Variants in ITPR3 observed in about 807,000 individuals in gnomAD.
The protein encoded by ITPR3 is inositol 1,4,5-trisphosphate-gated calcium channel ITPR3.
Under a neutral mutation model 293.2 loss-of-function variants are expected in ITPR3, and 173 were observed. The ratio of observed to expected loss-of-function variants is 0.59; its 90% CI spans 0.52 to 0.67. ITPR3 has a LOEUF of 0.67. Among genes scored for constraint, ITPR3 ranks in the 30% least tolerant of loss-of-function variants. The pLI is 0.00. For missense variants in ITPR3, 2,796 were observed against 3,592.1 expected (o/e 0.78, Z 5.66); for synonymous variants, 1,295 against 1,444.4 (o/e 0.90, Z 2.35).
intron 2 of ITPR3, among the ~76,000 whole-genome samples, chr6:33,642,083 T>C (rs1763965221): frequency 6.6e-6 from 1 of 152,200 alleles, no homozygotes; most frequent in South Asian, 2.1e-4. Context: ...CCGAGCACAT[T>C]TGAGTAATCA....
rs1463267788 is a variant in ITPR3 at position 33,694,638 on chromosome 6, A to G, written c.7786-286A>G. On this transcript the variant is annotated intron_variant, in intron 56 of 57. Transcript: ENST00000605930. ...TCCACCTCTCAGGGGGTGTTATGAG[A>G]GTAAACAGATGGTGCTGATACCAGC... is the stretch of plus-strand genomic sequence containing the variant. The G allele has an allele frequency of 1.7e-5, 7 of 422,012 alleles. No individual in the cohort carries two copies. The East Asian group carries it at 3.7e-4, about 22-fold the overall frequency. The allele number at this position is 422,012 out of a possible 1,614,324, so 26.1% of individuals were successfully genotyped here. A position where few individuals can be genotyped will look rare whatever the true frequency, so the allele number is the denominator to read the frequency against.
In ITPR3 at chr6:33,658,047, G is replaced by C; in HGVS notation, c.369+29G>C. On this transcript the variant is annotated intron_variant, in intron 4 of 57. Transcript: ENST00000605930. This position sits in a 1 kb window ranked among gnomAD's most constrained non-coding sequence, Gnocchi z 6.1. ...AGGCTGGCCTGCCTCTCTCCCGCCT[G>C]CCCCTCTCCCTGCCTAAGAGGCTGG... The C allele has an allele frequency of 6.3e-7, 1 of 1,590,686 alleles. No homozygotes were observed. Among genetic ancestry groups the C allele is most frequent in the Non-Finnish European group, 8.6e-7 (1 of 1,161,372 alleles).
At position 33,624,407 on chromosome 6, in the gene ITPR3, A is replaced by G. The variant is rs1763508506; in HGVS notation, c.89+2716A>G. ...GAATGATTTGTAAGTGCTGTAAGTA[A>G]TCAGTCCAGCAGCTTCAGCGTCACC... On this transcript the variant is annotated intron_variant, in intron 1 of 57. Coordinates refer to ENST00000605930, the MANE Select transcript of ITPR3 (RefSeq NM_002224.4). This position sits in a 1 kb window ranked among gnomAD's most constrained non-coding sequence, Gnocchi z 4.7. Among the ~76,000 whole-genome samples the G allele has an allele frequency of 6.6e-6, 1 of 152,218 alleles. No individual in the cohort carries two copies. The highest frequency in any genetic ancestry group is 1.5e-5 in the Non-Finnish European group (1 of 68,042).
chr6:33,674,118 AG>A, intron 23 of ITPR3, 89 bp from the exon 24 acceptor site: 1 of 1,466,230 alleles, frequency 6.8e-7, no homozygotes, highest in Non-Finnish European at 9.5e-7. Context: ...CAGCCAGTGC[AG>A]GGAAGAGGGT....
intron 2 of ITPR3, among the ~76,000 whole-genome samples, chr6:33,653,058 C>T (rs1286990956): frequency 6.6e-6 from 1 of 152,020 alleles, no homozygotes; most frequent in African/African-American, 2.4e-5. Context: ...CAGGCATGTA[C>T]CACCATGCCC....
Position 33,683,479 on chromosome 6 carries a change from T to C in ITPR3, c.4788+82T>C. 8.4e-7 allele frequency: 1 copy of C among 1,189,800 alleles called. No individual in the cohort carries two copies. The highest frequency in any genetic ancestry group is 1.1e-6 in the Non-Finnish European group (1 of 870,374). The allele number at this position is 1,189,800 out of a possible 1,614,324, so 73.7% of individuals were successfully genotyped here. Reference sequence around the variant, plus strand: ...TCCCCTACTTTGGAGGGGCAAGTTCTCGGGGAGTGTTTCTTCCTGTCCTGC... The same window carrying C: ...TCCCCTACTTTGGAGGGGCAAGTTCCCGGGGAGTGTTTCTTCCTGTCCTGC... On this transcript the variant is annotated intron_variant, in intron 35 of 57. Transcript: ENST00000605930. This position sits in a 1 kb window ranked among gnomAD's most constrained non-coding sequence, Gnocchi z 4.5.
chr6:33,693,776 G>GT, intron 56 of ITPR3, 71 bp downstream of exon 56: 2 of 1,551,112 alleles, frequency 1.3e-6, no homozygotes, highest in Middle Eastern at 2.1e-4. Flanking sequence ...GTGCACCAGA[G>GT]GCCTCATGGT....
rs561391724 is a variant in ITPR3 at position 33,664,805 on chromosome 6, C to T, written c.1149-65C>T. On this transcript the variant is annotated intron_variant, in intron 11 of 57. Transcript: ENST00000605930. The surrounding 1 kb of genome is among the most constrained non-coding windows in gnomAD (Gnocchi z 4.4). ...CTGTGGCAGTGTTGGGGAGGTAGGC[C>T]GGCAGGCAGCATGACGTGCTCTGTG... 1.3e-5 allele frequency: 18 copies of T among 1,416,376 alleles called. No individual in the cohort carries two copies. The East Asian group carries it at 2.3e-4, about 18-fold the overall frequency. 87.7% of individuals were successfully genotyped at this position (1,416,376 alleles called of 1,614,324 possible).
Position 33,688,665 on chromosome 6 carries a change from TG to T in ITPR3, c.6579del (p.Ile2194SerfsTer8). ...TTGCCCTCCTCTTCAGGCATGCCGC[TG>T]ATCTACTGGTTCTCCCGCCGCATGA... ...EWQRKLRSMPLIYWFSRRMTL... is the reference protein window; with the variant it reads ...EWQRKLRSMPXIYWFSRRMTL... On this transcript the variant is annotated frameshift_variant, in exon 49 of 58. Transcript: ENST00000605930. LOFTEE classifies it high-confidence loss of function. 1 of 1,614,170 alleles carries T rather than the reference TG, an allele frequency of 6.2e-7. No individual in the cohort carries two copies. The highest frequency in any genetic ancestry group is 8.5e-7 in the Non-Finnish European group (1 of 1,180,008).
At position 33,680,597 on chromosome 6, in the gene ITPR3, GAGA is replaced by G. The variant is rs1482868180; in HGVS notation, c.4396_4398del (p.Lys1466del). 6.2e-7 allele frequency: 1 copy of G among 1,613,980 alleles called. No individual in the cohort carries two copies. Among genetic ancestry groups the G allele is most frequent in the East Asian group, 2.2e-5 (1 of 44,886 alleles). ...GAAGCGCGTGGCTGACCCCACCTTG[GAGA>G]AGTACGTGCTGAGCGTTGTGCTGGA... On this transcript the variant is annotated inframe_deletion, in exon 33 of 58. Transcript: ENST00000605930.
intron 2 of ITPR3, among the ~76,000 whole-genome samples, chr6:33,644,168 T>C (rs1162157267): frequency 6.7e-6 from 1 of 150,284 alleles, no homozygotes; most frequent in Non-Finnish European, 1.5e-5. Flanking sequence ...CCAAGCTGGG[T>C]GACAGAGCAA....
Position 33,631,304 on chromosome 6 carries a change from G to A in ITPR3, c.90-9180G>A, listed in dbSNP as rs1476465069. Among the ~76,000 whole-genome samples, 4 of 152,354 alleles carry A rather than the reference G, an allele frequency of 2.6e-5. No homozygotes were observed. The East Asian group carries it at 7.7e-4, about 29-fold the overall frequency. On this transcript the variant is annotated intron_variant, in intron 1 of 57. Transcript: ENST00000605930. ...CATCAAGACGCGGAGACCAGTAGTG[G>A]CCCTGAACGGCTGGGGTCACTGATA...
Position 33,682,775 on chromosome 6 carries a change from G to A in ITPR3, c.4597+131G>A, listed in dbSNP as rs1438463581. 2 of 1,214,784 alleles carry A rather than the reference G, an allele frequency of 1.6e-6. No individual in the cohort carries two copies. The highest frequency in any genetic ancestry group is 2.2e-6 in the Non-Finnish European group (2 of 910,948). 75.3% of individuals were successfully genotyped at this position (1,214,784 alleles called of 1,614,324 possible). On this transcript the variant is annotated intron_variant, in intron 34 of 57. Coordinates refer to ENST00000605930, the MANE Select transcript of ITPR3 (RefSeq NM_002224.4). This position sits in a 1 kb window ranked among gnomAD's most constrained non-coding sequence, Gnocchi z 5.4. The stretch of plus-strand genomic sequence containing the variant: ...CCTGCTCCCAGGTGGTTGTCAGTAA[G>A]TTCTTCTTGGCGTCTGCCTCATCCT...
chr6:33,635,472 G>A (rs1188805853), intron 1 of ITPR3, among the ~76,000 whole-genome samples: 1 of 152,222 alleles, frequency 6.6e-6, no homozygotes, highest in African/African-American at 2.4e-5. Context: ...TTTGGGTGCT[G>A]AGGATACGGC....
chr6:33,622,834 A>G (rs1273022783), intron 1 of ITPR3, among the ~76,000 whole-genome samples: 1 of 152,074 alleles, frequency 6.6e-6, no homozygotes, highest in Non-Finnish European at 1.5e-5. Flanking sequence ...ATCTTGGTGT[A>G]AAGGGAATGG....
chr6:33,694,527 C>T (rs1462400948), intron 56 of ITPR3: 7 of 252,956 alleles, frequency 2.8e-5, no homozygotes, highest in Admixed American at 1.1e-4. Flanking sequence ...CGCGTCTTCC[C>T]GGGGCGTGGG....
In ITPR3 at chr6:33,660,995, CTG is replaced by C. The variant is rs1271751115; in HGVS notation, c.711+1449_711+1450del. 2.6e-5 allele frequency among the ~76,000 whole-genome samples: 4 copies of C among 152,168 alleles called. No individual in the cohort carries two copies. The East Asian group carries it at 7.7e-4, about 29-fold the overall frequency. ...AATGAAGCATCACTTGGGCCTCACT[CTG>C]TGGTCTACATAGAATTATTTCTGGG... On this transcript the variant is annotated intron_variant, in intron 7 of 57. Coordinates refer to ENST00000605930, the MANE Select transcript of ITPR3 (RefSeq NM_002224.4).
Position 33,671,252 on chromosome 6 carries a change from AT to A in ITPR3, c.2675del (p.Ile892ThrfsTer32). On this transcript the variant is annotated frameshift_variant, in exon 21 of 58. Coordinates refer to ENST00000605930, the MANE Select transcript of ITPR3 (RefSeq NM_002224.4). LOFTEE classifies it high-confidence loss of function. ...GCTCACTCGCACACTGCTGGGCATC[AT>A]CGACTGTGTGCAGGGGCCCCCGGCC... is the stretch of plus-strand genomic sequence containing the variant. The part of the protein sequence containing the change: ...LRLTRTLLGI[I>X]DCVQGPPAML... The A allele has an allele frequency of 6.2e-7, 1 of 1,613,668 alleles. No individual in the cohort carries two copies. The highest frequency in any genetic ancestry group is 8.5e-7 in the Non-Finnish European group (1 of 1,179,982).
At position 33,680,035 on chromosome 6, in the gene ITPR3, G is replaced by C; in HGVS notation, c.4126G>C (p.Ala1376Pro). The C allele has an allele frequency of 1.9e-6, 3 of 1,613,876 alleles. No homozygotes were observed. The highest frequency in any genetic ancestry group is 2.5e-6 in the Non-Finnish European group (3 of 1,180,032). The change falls in exon 31 of 58, where the codon GCC becomes CCC. Residue 1376 changes from alanine to proline, a missense_variant. Ala to Pro is a conservative substitution (Grantham distance 27). Coordinates refer to ENST00000605930, the MANE Select transcript of ITPR3 (RefSeq NM_002224.4). ...ISLVDLLAAC[A>P]EGKNVYTEIK... is the part of the protein sequence containing the mutation. ...CCTGGTGGACCTGCTGGCCGCCTGTGCCGAGGGCAAAAACGTCTACACTGA... is the reference window on the plus strand; with the variant it reads ...CCTGGTGGACCTGCTGGCCGCCTGTCCCGAGGGCAAAAACGTCTACACTGA...
Sources: gnomAD v4.1 joint callset for allele counts (sites outside exome capture counted in the v4.1 genomes callset) on GRCh38, gnomAD v4.1.1 for gene constraint, Gnocchi (gnomAD v3.1) non-coding constraint, MANE v1.5 for transcripts, NCBI Gene and HGNC (gene_info 2026-07-23, HGNC 2026-07-21) for gene names.